The following MYLK variants were observed in gnomAD, a reference collection of about 807,000 sequenced individuals.
MYLK encodes myosin light chain kinase, smooth muscle.
MYLK carries 106 observed loss-of-function variants against 203.4 expected under a neutral mutation model. The ratio of observed to expected loss-of-function variants is 0.52; its 90% CI spans 0.45 to 0.61. The LOEUF (loss-of-function observed/expected upper bound fraction) is 0.61, where lower values mean the gene tolerates loss of function less well. Among genes scored for constraint, MYLK ranks in the 20% least tolerant of loss-of-function variants. The probability of loss-of-function intolerance (pLI) is 0.00; values close to 1 mark genes in which losing one functional copy is unlikely to be tolerated. For missense variants in MYLK, 2,072 were observed against 2,442.3 expected, an observed-to-expected ratio of 0.85 and a Z score of 3.20; for synonymous variants, 867 against 959.5, an observed-to-expected ratio of 0.90 and a Z score of 1.78.
At chr3:123,713,579 A>ATGTATGTGTGTGTG (rs1263696728) in intron 13 of MYLK, among the ~76,000 whole-genome samples, 1 of 136,380 alleles carries the variant, frequency 7.3e-6, no homozygotes, top group South Asian at 2.5e-4. Context: ...GAGCAACACA[A>ATGTATGTGTGTGTG]TGTGTGTGTG....
chr3:123,850,158 G>C (rs1428953621), intron 2 of MYLK, among the ~76,000 whole-genome samples: 1 of 152,172 alleles, frequency 6.6e-6, no homozygotes, highest in East Asian at 1.9e-4. Flanking sequence ...GGACATTTGG[G>C]TTGGTTCCAA....
chr3:123,675,229 A>G (rs2060035392), intron 20 of MYLK, among the ~76,000 whole-genome samples: 1 of 152,248 alleles, frequency 6.6e-6, no homozygotes, highest in Non-Finnish European at 1.5e-5. Context: ...TTGATATTAG[A>G]GGAAGTGAAA....
Position 123,647,322 on chromosome 3 carries a change from C to A in MYLK, c.4521G>T (p.Arg1507=). 6.2e-7 allele frequency: 1 copy of A among 1,614,212 alleles called. No individual in the cohort carries two copies. The highest frequency in any genetic ancestry group is 8.5e-7 in the Non-Finnish European group (1 of 1,180,034). ...GGCAGTTCATGATGCTAATCTCCTG[C>A]CGGATATTCTCTTTCTCTTTTGCTG... The part of the protein sequence containing the change: ...AYSAKEKENI[R]QEISIMNCLH... Residue 1507 remains arginine (R), a synonymous_variant, in exon 27 of 34, where the codon CGG becomes CGT. Transcript: ENST00000360304.
chr3:123,712,080 C>T (rs1289325512), intron 13 of MYLK, among the ~76,000 whole-genome samples: 1 of 152,180 alleles, frequency 6.6e-6, no homozygotes, highest in African/African-American at 2.4e-5. Flanking sequence ...CAGGTAACCC[C>T]CCACGGTCCC....
intron 15 of MYLK, 27 bp from the exon 16 acceptor site, chr3:123,708,030 A>G (rs1184374916): frequency 6.2e-7 from 1 of 1,613,480 alleles, no homozygotes; most frequent in Non-Finnish European, 8.5e-7. Flanking sequence ...GGCAGAGCTA[A>G]ACAGGGATGT....
In MYLK at chr3:123,612,928, TA is replaced by T. The variant is rs34709307; in HGVS notation, c.*1176del. The T allele has an allele frequency of 0.17, 25,247 of 147,852 alleles. 4,928 individuals are homozygous for T. The highest frequency in any genetic ancestry group is 0.46 in the East Asian group (1,820 of 3,914). The allele number at this position is 147,852 out of a possible 1,614,324, so 9.2% of individuals were successfully genotyped here. On this transcript the variant is annotated 3_prime_UTR_variant, in exon 34 of 34. Transcript: ENST00000360304. The stretch of plus-strand genomic sequence containing the variant: ...CAAAAAGCTTTATAAAGAAAAAATT[TA>T]AGTGCCAATGTAGTGAAAGAAAGTT...
chr3:123,718,939 G>A (rs539312102), intron 13 of MYLK, among the ~76,000 whole-genome samples: 13 of 152,206 alleles, frequency 8.5e-5, no homozygotes, highest in Non-Finnish European at 1.5e-4. Flanking sequence ...TGATAAGTAA[G>A]TGTAATACTA....
chr3:123,879,475 G>T (rs1203195154), intron 1 of MYLK, among the ~76,000 whole-genome samples: 1 of 152,068 alleles, frequency 6.6e-6, no homozygotes, highest in African/African-American at 2.4e-5. Context: ...AGGCCTTCCT[G>T]CATCACTCTA....
At chr3:123,752,223 C>T (rs2063216692) in intron 5 of MYLK, 108 bp downstream of exon 5, 1 of 1,205,224 alleles carries the variant, frequency 8.3e-7, no homozygotes, top group South Asian at 1.2e-5. Flanking sequence ...GGTGTGTTTT[C>T]TCTTGTCAGT....
At chr3:123,832,564 T>G (rs2066364798) in intron 2 of MYLK, among the ~76,000 whole-genome samples, 2 of 152,226 alleles carry the variant, frequency 1.3e-5, no homozygotes, top group African/African-American at 4.8e-5. Context: ...TAATCCCTGA[T>G]GCAACAGTGT....
intron 12 of MYLK, 140 bp from the exon 13 acceptor site, chr3:123,722,420 C>G: frequency 2.8e-6 from 3 of 1,086,050 alleles, no homozygotes; most frequent in Non-Finnish European, 4.1e-6. Context: ...AATGATGTAC[C>G]ATGCACATCT....
At chr3:123,676,985 C>T (rs1472655871) in intron 20 of MYLK, among the ~76,000 whole-genome samples, 1 of 152,194 alleles carries the variant, frequency 6.6e-6, no homozygotes, top group African/African-American at 2.4e-5. Flanking sequence ...ATCAATGCCT[C>T]CTTTACACAG....
chr3:123,651,142 A>G (rs1464298113), intron 24 of MYLK, among the ~76,000 whole-genome samples: 1 of 152,146 alleles, frequency 6.6e-6, no homozygotes, highest in African/African-American at 2.4e-5. Context: ...GAAGTCTAAA[A>G]TGGACATGAC....
intron 2 of MYLK, among the ~76,000 whole-genome samples, chr3:123,857,174 T>C (rs912118126): frequency 6.6e-6 from 1 of 152,056 alleles, no homozygotes; most frequent in African/African-American, 2.4e-5. Flanking sequence ...TGTGGAGAAA[T>C]AGGAACACTT....
chr3:123,662,098 A>G (rs1400835688), intron 23 of MYLK, among the ~76,000 whole-genome samples: 5 of 152,200 alleles, frequency 3.3e-5, no homozygotes, highest in Admixed American at 3.3e-4. Context: ...AAATGGAGGC[A>G]CAGACATCAA....
At chr3:123,707,272 C>G (rs255186) in intron 16 of MYLK, among the ~76,000 whole-genome samples, 126 of 152,334 alleles carry the variant, frequency 8.3e-4, no homozygotes, top group African/African-American at 3.0e-3. Context: ...CTCCAGTGTC[C>G]GTCAGGCCTT....
intron 4 of MYLK, among the ~76,000 whole-genome samples, chr3:123,768,062 C>T (rs186568646): frequency 3.3e-5 from 5 of 152,294 alleles, no homozygotes; most frequent in Admixed American, 2.6e-4. Flanking sequence ...AGTGACCACT[C>T]GGCTGACACT....
intron 13 of MYLK, among the ~76,000 whole-genome samples, chr3:123,720,880 T>TC (rs2062063478): frequency 6.6e-6 from 1 of 152,030 alleles, no homozygotes; most frequent in Non-Finnish European, 1.5e-5. Flanking sequence ...TGGCCAGTCT[T>TC]CCCCTTTGAG....
intron 4 of MYLK, among the ~76,000 whole-genome samples, chr3:123,785,941 C>T (rs1350711173): frequency 6.6e-6 from 1 of 152,192 alleles, no homozygotes. Flanking sequence ...GTATCTTGAA[C>T]AGCTCACTCT....
Sources: gnomAD v4.1 joint callset for allele counts (sites outside exome capture counted in the v4.1 genomes callset) on GRCh38, gnomAD v4.1.1 for gene constraint, MANE v1.5 for transcripts, NCBI Gene and HGNC (gene_info 2026-07-23, HGNC 2026-07-21) for gene names.